The following GIT2 variants were observed in gnomAD, a reference collection of about 807,000 sequenced individuals.
GIT2 encodes ARF GTPase-activating protein GIT2.
In GIT2, 32 loss-of-function variants were observed where a neutral mutation model predicts 100.3. The ratio of observed to expected loss-of-function variants is 0.32; its 90% confidence interval spans 0.24 to 0.43. The LOEUF is 0.43. Ranked by LOEUF, GIT2 falls within the 20% of genes least tolerant of loss-of-function variation. GIT2 has a pLI of 1.00. For missense variants in GIT2, 737 were observed against 975.1 expected (o/e 0.76, Z 3.25); for synonymous variants, 353 against 364.1 (o/e 0.97, Z 0.35).
intron 14 of GIT2, chr12:109,949,125 T>G: frequency 2.4e-6 from 1 of 411,426 alleles, no homozygotes; most frequent in Non-Finnish European, 4.3e-6. Context: ...ATATCTGCAA[T>G]TCCCTTTCCA....
rs1484058233 is a variant in GIT2, at chr12:109,933,094, G to A, written c.2164C>T (p.Pro722Ser). ...SECKKTLPGD[P>S]GSPTDVQLVT... Reference sequence around the variant, plus strand: ...AGCTGAACGTCTGTGGGTGAGCCGGGGTCCCCTGGGAGGGTCTTCTTGCAC... The same window carrying A: ...AGCTGAACGTCTGTGGGTGAGCCGGAGTCCCCTGGGAGGGTCTTCTTGCAC... The change falls in exon 20 of 20, where the codon CCC (proline) becomes TCC (serine). Residue 722 changes from proline (P) to serine (S), a missense_variant. Around this residue, in one of 3 missense-constraint regions of GIT2, gnomAD observed 451 missense variants for 543.7 expected, o/e 0.83. Coordinates refer to ENST00000355312, the MANE Select transcript of GIT2 (RefSeq NM_057169.5). The surrounding 1 kb of genome is among the most constrained non-coding windows in gnomAD (Gnocchi z 4.5). 6.2e-7 allele frequency: 1 copy of A among 1,613,058 alleles called. No individual in the cohort carries two copies. The highest frequency in any genetic ancestry group is 2.2e-5 in the East Asian group (1 of 44,880).
rs1384783601 is a variant in GIT2 at position 109,989,598 on chromosome 12, C to T, written c.299+92G>A. On this transcript the variant is annotated intron_variant, in intron 3 of 19. Coordinates refer to ENST00000355312, the MANE Select transcript of GIT2 (RefSeq NM_057169.5). ...CTAGGGTAACCCCCTCCTCTGCTGC[C>T]CTTGCGGAGACTGACCAAAAATAGC... is the stretch of plus-strand genomic sequence containing the variant. The T allele has an allele frequency of 7.0e-6, 5 of 716,018 alleles. No individual in the cohort carries two copies. In the East Asian group the frequency reaches 1.3e-4, roughly 19 times the overall value. 44.4% of individuals were successfully genotyped at this position (716,018 alleles called of 1,614,324 possible).
At chr12:109,954,911 T>C (rs200296096) in intron 12 of GIT2, among the ~76,000 whole-genome samples, 2 of 146,424 alleles carry the variant, frequency 1.4e-5, no homozygotes, top group Non-Finnish European at 3.0e-5. Context: ...AAAAAAAAAA[T>C]AATAATAATA....
At chr12:109,952,258 T>A (rs2136283854) in intron 13 of GIT2, among the ~76,000 whole-genome samples, 1 of 152,266 alleles carries the variant, frequency 6.6e-6, no homozygotes, top group South Asian at 2.1e-4. Flanking sequence ...GCCAAGCCCC[T>A]CTGTGGGTGT....
At chr12:109,949,959 G>C (rs764947259) in intron 14 of GIT2, among the ~76,000 whole-genome samples, 1 of 152,210 alleles carries the variant, frequency 6.6e-6, no homozygotes, top group Non-Finnish European at 1.5e-5. Context: ...GGTCTGTCTC[G>C]TTTACAGCTG....
At chr12:109,944,478 A>G (rs891285422) in intron 16 of GIT2, among the ~76,000 whole-genome samples, 5 of 152,232 alleles carry the variant, frequency 3.3e-5, no homozygotes, top group Non-Finnish European at 7.3e-5. Context: ...TTTATGCATG[A>G]AAGTATTTTT....
intron 7 of GIT2, among the ~76,000 whole-genome samples, chr12:109,968,728 ATTTAT>A (rs1437460827): frequency 2.9e-5 from 4 of 138,828 alleles, no homozygotes; most frequent in African/African-American, 8.2e-5. Context: ...CAGCTTATTT[ATTTAT>A]TTTGAGTCAG....
At position 109,948,511 on chromosome 12, in the gene GIT2, T is replaced by C; in HGVS notation, c.1393-1007A>G. The C allele has an allele frequency of 8.1e-7, 1 of 1,239,000 alleles. No homozygotes were observed. The allele number at this position is 1,239,000 out of a possible 1,614,324, so 76.8% of individuals were successfully genotyped here. ...CAGGGAATCGTGTTACTCTTTGGCATCTGGCATTTTAAACACCATTCACCA... is the reference window on the plus strand; with the variant it reads ...CAGGGAATCGTGTTACTCTTTGGCACCTGGCATTTTAAACACCATTCACCA... On this transcript the variant is annotated intron_variant, in intron 14 of 19. Coordinates refer to ENST00000355312, the MANE Select transcript of GIT2 (RefSeq NM_057169.5). This position sits in a 1 kb window ranked among gnomAD's most constrained non-coding sequence, Gnocchi z 4.3.
intron 4 of GIT2, among the ~76,000 whole-genome samples, chr12:109,986,057 T>A (rs547569027): frequency 7.3e-4 from 111 of 151,394 alleles, no homozygotes; most frequent in Non-Finnish European, 1.4e-3. Context: ...CGTGGCATGA[T>A]CTCAGCTCAC....
In GIT2 at chr12:109,954,908, A is replaced by AT. The variant is rs1555226014; in HGVS notation, c.1100-1675_1100-1674insA. Among the ~76,000 whole-genome samples, 50 of 150,966 alleles carry AT rather than the reference A, an allele frequency of 3.3e-4. 1 individual carries two copies. In the South Asian group the frequency reaches 4.0e-3, roughly 12 times the overall value. ...CGAGACTCTGTCTCAAAAAAAAAAA[A>AT]AATAATAATAATAATAAAGGATAGA... On this transcript the variant is annotated intron_variant, in intron 12 of 19. Coordinates refer to ENST00000355312, the MANE Select transcript of GIT2 (RefSeq NM_057169.5).
At chr12:109,958,039 G>C (rs573993101) in intron 12 of GIT2, among the ~76,000 whole-genome samples, 3 of 151,892 alleles carry the variant, frequency 2.0e-5, no homozygotes, top group South Asian at 2.1e-4. Flanking sequence ...CTGCCTCCCA[G>C]GTTCACGCCA....
In GIT2 at chr12:109,954,896, CAAA is replaced by C. The variant is rs1158089528; in HGVS notation, c.1100-1665_1100-1663del. On this transcript the variant is annotated intron_variant, in intron 12 of 19. Coordinates refer to ENST00000355312, the MANE Select transcript of GIT2 (RefSeq NM_057169.5). ...CATGGATGACAGCGAGACTCTGTCTCAAAAAAAAAAAAAATAATAATAATAATA... is the reference window on the plus strand; with the variant it reads ...CATGGATGACAGCGAGACTCTGTCTCAAAAAAAAAAATAATAATAATAATA... Among the ~76,000 whole-genome samples the C allele has an allele frequency of 5.3e-3, 560 of 105,182 alleles. 6 individuals carry two copies. The highest frequency in any genetic ancestry group is 0.018 in the African/African-American group (546 of 30,350). The allele number at this position is 105,182 out of a possible 152,430, so 69.0% of individuals were successfully genotyped here.
In GIT2 at chr12:109,933,234, A is replaced by G. The variant is rs1871989351; in HGVS notation, c.2068-44T>C. ...CCGTTTACCCTGAACTGCAGGGCAG[A>G]CATCCAAAAGCAGGGGACAAACATT... On this transcript the variant is annotated intron_variant, in intron 19 of 19. Transcript: ENST00000355312. This position sits in a 1 kb window ranked among gnomAD's most constrained non-coding sequence, Gnocchi z 4.5. The G allele has an allele frequency of 2.6e-6, 3 of 1,142,962 alleles. No individual in the cohort carries two copies. The highest frequency in any genetic ancestry group is 1.5e-5 in the African/African-American group (1 of 65,276). The allele number at this position is 1,142,962 out of a possible 1,614,324, so 70.8% of individuals were successfully genotyped here.
intron 7 of GIT2, among the ~76,000 whole-genome samples, chr12:109,973,372 C>A (rs1029115986): frequency 2.0e-5 from 3 of 152,036 alleles, no homozygotes; most frequent in African/African-American, 7.2e-5. Flanking sequence ...AACTCCCCAC[C>A]TCAAATGATC....
At chr12:109,996,438 T>C, upstream of GIT2, 1 of 522,162 alleles carries the variant, frequency 1.9e-6, no homozygotes, top group Non-Finnish European at 3.4e-6. Flanking sequence ...CACTCTGCCT[T>C]GTCGCCATCT....
chr12:109,965,421 T>G, intron 9 of GIT2, 105 bp downstream of exon 9: 1 of 665,338 alleles, frequency 1.5e-6, no homozygotes, highest in Non-Finnish European at 2.6e-6. Flanking sequence ...AATAAAAGTA[T>G]GAAATAAAGT....
chr12:109,959,427 T>A (rs1026183695), intron 12 of GIT2, among the ~76,000 whole-genome samples: 7 of 152,150 alleles, frequency 4.6e-5, no homozygotes, highest in African/African-American at 1.7e-4. Flanking sequence ...TTGGGTTAAT[T>A]TCAGGATGCA....
In GIT2 at chr12:109,933,063, G is replaced by A. The variant is rs758667543; in HGVS notation, c.2195C>T (p.Thr732Met). 10 of 1,613,614 alleles carry A rather than the reference G, an allele frequency of 6.2e-6. No individual in the cohort carries two copies. The highest frequency in any genetic ancestry group is 1.1e-5 in the South Asian group (1 of 91,078). Residue 732 changes from threonine to methionine, a missense_variant, in exon 20 of 20, where the codon ACG (threonine) becomes ATG (methionine). Thr to Met is a moderately conservative substitution (Grantham distance 81). This residue lies in a region of GIT2 where 451 missense variants were observed against 543.7 expected (regional missense o/e 0.83). Coordinates refer to ENST00000355312, the MANE Select transcript of GIT2 (RefSeq NM_057169.5). The surrounding 1 kb of genome is among the most constrained non-coding windows in gnomAD (Gnocchi z 4.5). ...GTACGCACACTGGATGACCTGCTGC[G>A]TGACCAGCTGAACGTCTGTGGGTGA... ...PGSPTDVQLV[T>M]QQVIQCAYDI...
At chr12:109,963,453 TATC>T (rs1203251806) in intron 9 of GIT2, among the ~76,000 whole-genome samples, 1 of 152,252 alleles carries the variant, frequency 6.6e-6, no homozygotes, top group African/African-American at 2.4e-5. Flanking sequence ...GTGCTAACAG[TATC>T]ATATTTCACT....
Sources: gnomAD v4.1 joint callset for allele counts (sites outside exome capture counted in the v4.1 genomes callset) on GRCh38, gnomAD v4.1.1 for gene constraint, gnomAD v4.1.1 regional missense constraint, Gnocchi (gnomAD v3.1) non-coding constraint, MANE v1.5 for transcripts, NCBI Gene and HGNC (gene_info 2026-07-23, HGNC 2026-07-21) for gene names.